The following RUNX1T1 variants were observed in gnomAD, a reference collection of about 807,000 sequenced individuals.
The protein encoded by RUNX1T1 is protein CBFA2T1.
Under a neutral mutation model 62.8 loss-of-function variants are expected in RUNX1T1, and 4 were observed. The ratio of observed to expected loss-of-function variants is 0.06; its 90% CI spans 0.03 to 0.15. RUNX1T1 has a LOEUF of 0.15. Among genes scored for constraint, RUNX1T1 ranks in the 10% least tolerant of loss-of-function variants. The probability of loss-of-function intolerance (pLI) is 1.00; values close to 1 mark genes in which losing one functional copy is unlikely to be tolerated. For missense variants in RUNX1T1, 508 were observed against 754.3 expected, an observed-to-expected ratio of 0.67 and a Z score of 3.82; for synonymous variants, 291 against 286.0, an observed-to-expected ratio of 1.02 and a Z score of -0.18.
rs147652039 is a variant in RUNX1T1, at chr8:92,021,954, A to G, written c.8-4591T>C. Among the ~76,000 whole-genome samples the G allele has an allele frequency of 1.2e-3, 174 of 150,726 alleles. 1 individual carries two copies. Among genetic ancestry groups the G allele is most frequent in the Non-Finnish European group, 1.7e-3 (118 of 67,810 alleles). On this transcript the variant is annotated intron_variant, in intron 1 of 10. Transcript: ENST00000396218. ...CATTCTTCACTGCTCACTGTAGATC[A>G]CACATCCTCTTTCAGCTTCCCTCAA...
chr8:91,972,375 CTAAAATATAAG>C (rs1448476804), intron 9 of RUNX1T1, among the ~76,000 whole-genome samples: 1 of 151,992 alleles, frequency 6.6e-6, no homozygotes, highest in African/African-American at 2.4e-5. Context: ...GTTTTATAAA[CTAAAATATAAG>C]TAAAAGATCC....
chr8:91,956,804 T>C (rs546368146), downstream of RUNX1T1: 1 of 217,038 alleles, frequency 4.6e-6, no homozygotes, highest in South Asian at 1.9e-4. Flanking sequence ...TTTAAAAAAA[T>C]TACTTCAAAT....
At chr8:92,079,636 CCTTCTCT>C (rs1484029037) in intron 1 of RUNX1T1, among the ~76,000 whole-genome samples, 15 of 152,154 alleles carry the variant, frequency 9.9e-5, no homozygotes, top group Non-Finnish European at 2.2e-4. Flanking sequence ...TCCAGATTCT[CCTTCTCT>C]CTTCTAACTA....
At chr8:92,021,986 C>T (rs1448047284) in intron 1 of RUNX1T1, among the ~76,000 whole-genome samples, 2 of 151,036 alleles carry the variant, frequency 1.3e-5, no homozygotes, top group East Asian at 1.9e-4. Flanking sequence ...TCAACTGCCC[C>T]GAGCAACAGC....
chr8:91,965,878 T>C lies in RUNX1T1; in HGVS notation c.1458+4780A>G, dbSNP rs571731129. ...TCCGTTTTCCTCTTTCGTTCTTACA[T>C]AGACACACTGCTCATTTGTAAGGTG... On this transcript the variant is annotated intron_variant, in intron 10 of 10. Transcript: ENST00000396218. Among the ~76,000 whole-genome samples the C allele has an allele frequency of 3.9e-5, 6 of 152,218 alleles. No individual in the cohort carries two copies. The East Asian group carries it at 7.7e-4, about 20-fold the overall frequency.
chr8:91,996,950 C>T (rs542515947), intron 5 of RUNX1T1, among the ~76,000 whole-genome samples: 3 of 148,800 alleles, frequency 2.0e-5, no homozygotes, highest in East Asian at 2.0e-4. Context: ...GGTGAAACCC[C>T]GTCTCTACTA....
At chr8:92,062,652 A>G (rs1350521157) in exon 1 of RUNX1T1, 1 of 1,611,880 alleles carries the variant, frequency 6.2e-7, no homozygotes, top group Non-Finnish European at 8.5e-7. Context: ...AGCAGAGAGG[A>G]GGGCCATCAG....
chr8:91,959,456 G>A lies in RUNX1T1; in HGVS notation c.*786C>T, dbSNP rs377674698. 1.1e-3 allele frequency: 132 copies of A among 120,998 alleles called. 4 individuals carry two copies. The highest frequency in any genetic ancestry group is 6.4e-3 in the South Asian group (12 of 1,888). The allele number at this position is 120,998 out of a possible 1,614,324, so 7.5% of individuals were successfully genotyped here. A position where few individuals can be genotyped will look rare whatever the true frequency, so the allele number is the denominator to read the frequency against. On this transcript the variant is annotated 3_prime_UTR_variant, in exon 11 of 11. Coordinates refer to ENST00000396218, the Ensembl canonical transcript of RUNX1T1. The stretch of plus-strand genomic sequence containing the variant: ...TGTGTGTGTGTGTGTGTGTGTGTGT[G>A]TGTGTGTGTGTATATGTGCGTGTGT...
At chr8:91,955,335 T>A (rs967176957), downstream of RUNX1T1, 1 of 226,852 alleles carries the variant, frequency 4.4e-6, no homozygotes, top group African/African-American at 2.2e-5. Context: ...GAAGAGAAAA[T>A]AAGATGCAGT....
intron 1 of RUNX1T1, among the ~76,000 whole-genome samples, chr8:92,049,567 C>CCT (rs1829928077): frequency 1.3e-5 from 2 of 152,176 alleles, no homozygotes; most frequent in African/African-American, 4.8e-5. Flanking sequence ...ACCCACACTA[C>CCT]CTCCTCCACA....
chr8:92,060,384 T>C (rs1012782260), intron 1 of RUNX1T1, among the ~76,000 whole-genome samples: 5 of 151,382 alleles, frequency 3.3e-5, no homozygotes, highest in African/African-American at 4.8e-5. Context: ...CCCCCAAAGA[T>C]TGGGATGTCT....
intron 2 of RUNX1T1, among the ~76,000 whole-genome samples, chr8:92,075,334 G>A (rs1047847667): frequency 1.3e-5 from 2 of 152,176 alleles, no homozygotes; most frequent in African/African-American, 4.8e-5. Context: ...ATAATTCAGG[G>A]CTTCCTTGAA....
intron 9 of RUNX1T1, among the ~76,000 whole-genome samples, chr8:91,973,655 G>A (rs1813320417): frequency 6.6e-6 from 1 of 151,994 alleles, no homozygotes; most frequent in Non-Finnish European, 1.5e-5. Context: ...AGAAAGCTAG[G>A]ATAAAAGCTT....
At chr8:91,967,320 G>A (rs1489967960) in intron 10 of RUNX1T1, among the ~76,000 whole-genome samples, 3 of 152,244 alleles carry the variant, frequency 2.0e-5, no homozygotes, top group East Asian at 3.9e-4. Context: ...CTAAGCAAGA[G>A]CAGTCTTTCT....
chr8:92,064,301 C>T (rs974167202), upstream of RUNX1T1, among the ~76,000 whole-genome samples: 1 of 152,196 alleles, frequency 6.6e-6, no homozygotes, highest in African/African-American at 2.4e-5. Context: ...TTGTCAGAGA[C>T]AACTTGTAAA....
intron 9 of RUNX1T1, among the ~76,000 whole-genome samples, chr8:91,971,651 T>C (rs1023820376): frequency 6.6e-6 from 1 of 152,224 alleles, no homozygotes; most frequent in Non-Finnish European, 1.5e-5. Context: ...ATCTCATTTT[T>C]ACATTTTAAG....
chr8:92,028,091 GAA>G (rs1214796916), intron 1 of RUNX1T1, among the ~76,000 whole-genome samples: 18 of 73,808 alleles, frequency 2.4e-4, no homozygotes, highest in African/African-American at 4.6e-4. Context: ...GGGGGGGTGG[GAA>G]GGAAGGAGGG....
chr8:92,101,281 C>T (rs1393880193), upstream of RUNX1T1, among the ~76,000 whole-genome samples: 2 of 152,138 alleles, frequency 1.3e-5, no homozygotes, highest in Non-Finnish European at 2.9e-5. Context: ...CTGCGGACAG[C>T]CATTTATATA....
chr8:92,024,497 CA>C (rs34547904), intron 1 of RUNX1T1, among the ~76,000 whole-genome samples: 812 of 17,512 alleles, frequency 0.046, no homozygotes, highest in Non-Finnish European at 0.051. Context: ...AACCCCAACT[CA>C]AAAAAAAAAA....
Sources: allele counts gnomAD v4.1 joint callset (sites outside exome capture counted in the v4.1 genomes callset), GRCh38; gene constraint gnomAD v4.1.1; transcripts MANE v1.5; gene names NCBI Gene and HGNC (gene_info 2026-07-23, HGNC 2026-07-21).